ZNF540: variants seen among roughly 807,000 people sequenced by gnomAD.
The protein encoded by ZNF540 is CTD-3064H18.6.
In ZNF540, 3 loss-of-function variants were observed where a neutral mutation model predicts 11.8. That is an observed-to-expected ratio of 0.25 (90% CI 0.12 to 0.65). ZNF540 has a LOEUF of 0.65. ZNF540 is among the 30% of genes least tolerant of loss of function. The probability of loss-of-function intolerance (pLI) is 0.83; values close to 1 mark genes in which losing one functional copy is unlikely to be tolerated. For missense variants in ZNF540, 709 were observed against 793.1 expected (o/e 0.89, Z 1.27); for synonymous variants, 247 against 259.0 (o/e 0.95, Z 0.45).
At position 37,612,057 on chromosome 19, in the gene ZNF540, T is replaced by C. The variant is rs756378388; in HGVS notation, c.777T>C (p.Asn259=). ...GKTFTLYPQL[N]RHQKIHTGKK... ...CCTTTACTCTTTACCCACAACTTAA[T>C]CGACATCAGAAAATTCACACTGGTA... The change falls in exon 5 of 5, where the codon AAT becomes AAC. Residue 259 remains asparagine, a synonymous_variant. Transcript: ENST00000316433. 6.2e-7 allele frequency: 1 copy of C among 1,612,336 alleles called. No individual in the cohort carries two copies. The highest frequency in any genetic ancestry group is 8.5e-7 in the Non-Finnish European group (1 of 1,179,616).
chr19:37,596,722 A>G (rs1266586240), intron 1 of ZNF540, among the ~76,000 whole-genome samples: 1 of 152,140 alleles, frequency 6.6e-6, no homozygotes, highest in African/African-American at 2.4e-5. Flanking sequence ...TGCTAATATA[A>G]ATTTCTAATT....
At position 37,612,906 on chromosome 19, in the gene ZNF540, G is replaced by A. The variant is rs2044144012; in HGVS notation, c.1626G>A (p.Leu542=). ...GTAGAGGGAATCTTAAAGAACATCT[G>A]AAAATTCATTCTGGTTTAAAACCCT... ...FIRRGNLKEH[L]KIHSGLKPYD... is the part of the protein sequence containing the mutation. Residue 542 remains leucine, a synonymous_variant, in exon 5 of 5, where the codon CTG becomes CTA. Coordinates refer to ENST00000316433, the MANE Select transcript of ZNF540 (RefSeq NM_001172225.3). 2 of 1,613,962 alleles carry A rather than the reference G, an allele frequency of 1.2e-6. No individual in the cohort carries two copies. The highest frequency in any genetic ancestry group is 8.5e-7 in the Non-Finnish European group (1 of 1,180,006).
At chr19:37,551,833 TG>T (rs757408022) in intron 1 of ZNF540, among the ~76,000 whole-genome samples, 4 of 150,010 alleles carry the variant, frequency 2.7e-5, no homozygotes, top group African/African-American at 9.8e-5. Context: ...TCTGTGTGTG[TG>T]GGGGGGGTGG....
At position 37,613,128 on chromosome 19, in the gene ZNF540, T is replaced by C; in HGVS notation, c.1848T>C (p.Phe616=). Residue 616 remains phenylalanine, a synonymous_variant, in exon 5 of 5, where the codon TTT becomes TTC. Transcript: ENST00000316433. ...AGTGTAAACAATGTGGGAAGGCCTT[T>C]AGACTTAATTCACACCTTACTGAAC... is the stretch of plus-strand genomic sequence containing the variant. ...PYECKQCGKA[F]RLNSHLTEHQ... is the part of the protein sequence containing the mutation. 6.2e-7 allele frequency: 1 copy of C among 1,614,100 alleles called. No individual in the cohort carries two copies. The highest frequency in any genetic ancestry group is 8.5e-7 in the Non-Finnish European group (1 of 1,179,976).
At chr19:37,556,028 G>A (rs1334637486) in intron 1 of ZNF540, 1 of 702,498 alleles carries the variant, frequency 1.4e-6, no homozygotes, top group South Asian at 1.5e-5. Flanking sequence ...CAACATTTTG[G>A]AGTCCTTTTT....
At chr19:37,586,834 G>T in intron 1 of ZNF540, 1 of 763,968 alleles carries the variant, frequency 1.3e-6, no homozygotes, top group East Asian at 2.7e-5. Flanking sequence ...CTCCTCTTTT[G>T]GGAATTTGGA....
In ZNF540 at chr19:37,565,092, G is replaced by T. The variant is rs1363860934; in HGVS notation, c.-73+13427G>T. 5.6e-6 allele frequency: 9 copies of T among 1,613,128 alleles called. No individual in the cohort carries two copies. Among genetic ancestry groups the T allele is most frequent in the African/African-American group, 4.0e-5 (3 of 74,826 alleles). ...TTTCCACATTCCTTACATTCAAAGG[G>T]TTTCTCACCTGTATGAATTCTCTGA... On this transcript the variant is annotated intron_variant, in intron 1 of 4. Coordinates refer to the ZNF540 transcript ENST00000592533.
At position 37,612,443 on chromosome 19, in the gene ZNF540, G is replaced by C. The variant is rs1295011983; in HGVS notation, c.1163G>C (p.Cys388Ser). 1 of 1,614,148 alleles carries C rather than the reference G, an allele frequency of 6.2e-7. No individual in the cohort carries two copies. The highest frequency in any genetic ancestry group is 1.1e-5 in the South Asian group (1 of 91,084). ...AGKKPYECKE[C>S]GKSFNVRGQL... is the part of the protein sequence containing the mutation. The stretch of plus-strand genomic sequence containing the variant: ...AAGAAACCTTATGAATGTAAGGAGT[G>C]TGGGAAATCATTTAATGTGCGTGGA... Residue 388 changes from cysteine to serine, a missense_variant, in exon 5 of 5, where the codon TGT becomes TCT. Cys to Ser is a moderately radical substitution (Grantham distance 112). Coordinates refer to ENST00000316433, the MANE Select transcript of ZNF540 (RefSeq NM_001172225.3).
At chr19:37,574,182 ATATGCCT>A (rs2043165347) in intron 1 of ZNF540, among the ~76,000 whole-genome samples, 1 of 152,232 alleles carries the variant, frequency 6.6e-6, no homozygotes, top group Non-Finnish European at 1.5e-5. Context: ...CACTTAATAG[ATATGCCT>A]TTCCTTAAAG....
At chr19:37,573,762 G>A (rs143014876) in intron 1 of ZNF540, among the ~76,000 whole-genome samples, 1 of 150,866 alleles carries the variant, frequency 6.6e-6, no homozygotes, top group Non-Finnish European at 1.5e-5. Flanking sequence ...TTCAGCCCGA[G>A]TGTGAGGCTG....
chr19:37,605,374 G>C (rs1453020898), intron 4 of ZNF540, among the ~76,000 whole-genome samples: 1 of 152,208 alleles, frequency 6.6e-6, no homozygotes, highest in Non-Finnish European at 1.5e-5. Flanking sequence ...ACTGGGCTGG[G>C]TGCGGTGGCT....
intron 1 of ZNF540, among the ~76,000 whole-genome samples, chr19:37,576,335 C>G (rs921434662): frequency 6.6e-6 from 1 of 152,136 alleles, no homozygotes; most frequent in Admixed American, 6.5e-5. Context: ...AGGTTTGGTC[C>G]TGGCCTCTTT....
In ZNF540 at chr19:37,613,106, G is replaced by A; in HGVS notation, c.1826G>A (p.Cys609Tyr). ...RIHTGEKPYECKQCGKAFRLN... is the reference protein window; with the variant it reads ...RIHTGEKPYEYKQCGKAFRLN... ...CATACTGGTGAGAAACCCTATGAGT[G>A]TAAACAATGTGGGAAGGCCTTTAGA... The change falls in exon 5 of 5, where the codon TGT becomes TAT. Residue 609 changes from cysteine to tyrosine, a missense_variant. Cys to Tyr is a radical substitution (Grantham distance 194). Coordinates refer to ENST00000316433, the MANE Select transcript of ZNF540 (RefSeq NM_001172225.3). The A allele has an allele frequency of 6.2e-7, 1 of 1,614,000 alleles. No homozygotes were observed. The highest frequency in any genetic ancestry group is 8.5e-7 in the Non-Finnish European group (1 of 1,179,952).
rs1478106776 is a variant in ZNF540, at chr19:37,613,952, T to C, written c.*689T>C. ...AGAAGAAGCCAAAGAGCCAGCTAGC[T>C]CTTTCAACCACATGAGGTTACAGCA... On this transcript the variant is annotated 3_prime_UTR_variant, in exon 5 of 5. Coordinates refer to ENST00000316433, the MANE Select transcript of ZNF540 (RefSeq NM_001172225.3). 2.0e-5 allele frequency: 8 copies of C among 398,122 alleles called. No individual in the cohort carries two copies. Among genetic ancestry groups the C allele is most frequent in the Non-Finnish European group, 3.1e-5 (7 of 225,918 alleles). 24.7% of individuals were successfully genotyped at this position (398,122 alleles called of 1,614,324 possible).
In ZNF540 at chr19:37,553,237, G is replaced by A. The variant is rs542588831; in HGVS notation, c.-73+1572G>A. 7.2e-4 allele frequency among the ~76,000 whole-genome samples: 98 copies of A among 136,746 alleles called. 1 individual carries two copies. The highest frequency in any genetic ancestry group is 2.1e-3 in the African/African-American group (75 of 36,242). The allele number at this position is 136,746 out of a possible 152,430, so 89.7% of individuals were successfully genotyped here. A position where few individuals can be genotyped will look rare whatever the true frequency, so the allele number is the denominator to read the frequency against. On this transcript the variant is annotated intron_variant, in intron 1 of 4. Transcript: ENST00000592533. ...CAACCTCCACCTCCTGGGTTCAAGC[G>A]ATTCTCCTGCCTCAGCCTCCTGAGT... is the stretch of plus-strand genomic sequence containing the variant.
intron 4 of ZNF540, among the ~76,000 whole-genome samples, chr19:37,603,076 C>T (rs1191150548): frequency 1.4e-5 from 2 of 141,430 alleles, no homozygotes; most frequent in African/African-American, 2.7e-5. Context: ...GGCATGATCT[C>T]GGCTCACTGC....
At chr19:37,584,935 G>T in intron 1 of ZNF540, 1 of 145,292 alleles carries the variant, frequency 6.9e-6, no homozygotes, top group South Asian at 2.2e-4. Context: ...CTGCACTCCC[G>T]CCTGGGCCAC....
At chr19:37,567,586 C>G (rs1600464568) in intron 1 of ZNF540, 1 of 152,274 alleles carries the variant, frequency 6.6e-6, no homozygotes, top group South Asian at 2.1e-4. Context: ...GATTTAAGTT[C>G]CAAGAACATG....
chr19:37,613,119 G>A lies in ZNF540; in HGVS notation c.1839G>A (p.Gly613=). ...AACCCTATGAGTGTAAACAATGTGG[G>A]AAGGCCTTTAGACTTAATTCACACC... is the stretch of plus-strand genomic sequence containing the variant. ...GEKPYECKQC[G]KAFRLNSHLT... Residue 613 remains glycine (G), a synonymous_variant, in exon 5 of 5, where the codon GGG becomes GGA. Transcript: ENST00000316433. The A allele has an allele frequency of 1.2e-6, 2 of 1,613,946 alleles. No individual in the cohort carries two copies. The highest frequency in any genetic ancestry group is 1.3e-5 in the African/African-American group (1 of 74,988).
Sources: allele counts gnomAD v4.1 joint callset (sites outside exome capture counted in the v4.1 genomes callset), GRCh38; gene constraint gnomAD v4.1.1; transcripts MANE v1.5; gene names NCBI Gene and HGNC (gene_info 2026-07-23, HGNC 2026-07-21).